NRG3: variants seen among roughly 807,000 people sequenced by gnomAD.
NRG3 encodes pro-neuregulin-3, membrane-bound isoform.
In NRG3, 31 loss-of-function variants were observed where a neutral mutation model predicts 66.9. That is an observed-to-expected ratio of 0.46 (90% CI 0.35 to 0.63). NRG3 has a LOEUF of 0.63. Ranked by LOEUF, NRG3 falls within the 20% of genes least tolerant of loss-of-function variation. The pLI, the probability that NRG3 is intolerant of heterozygous loss-of-function variation, is 0.00. For missense variants in NRG3, 910 were observed against 878.9 expected (o/e 1.04, Z -0.45); for synonymous variants, 393 against 359.4 (o/e 1.09, Z -1.06).
chr10:81,908,204 A>G (rs907098679), intron 1 of NRG3, among the ~76,000 whole-genome samples: 3 of 152,198 alleles, frequency 2.0e-5, no homozygotes. Flanking sequence ...TTAGCAGTAG[A>G]AACATTTTCA....
intron 2 of NRG3, among the ~76,000 whole-genome samples, chr10:82,724,943 G>A (rs2057513624): frequency 1.3e-5 from 2 of 152,178 alleles, no homozygotes; most frequent in South Asian, 4.1e-4. Context: ...AACCCAGGCA[G>A]AGAAGGCTGG....
intron 2 of NRG3, among the ~76,000 whole-genome samples, chr10:82,589,364 C>G (rs1423844324): frequency 6.6e-6 from 1 of 152,114 alleles, no homozygotes; most frequent in Non-Finnish European, 1.5e-5. Context: ...GTGTATCACT[C>G]AATTCAGAAT....
At chr10:82,176,788 A>G (rs1165851750) in intron 1 of NRG3, among the ~76,000 whole-genome samples, 2 of 151,944 alleles carry the variant, frequency 1.3e-5, no homozygotes, top group East Asian at 3.9e-4. Flanking sequence ...TGGCACTGCT[A>G]CTGACCTGGA....
rs368488342 is a variant in NRG3 at position 82,233,360 on chromosome 10, A to G, written c.824-125379A>G. Among the ~76,000 whole-genome samples, 23 of 152,258 alleles carry G rather than the reference A, an allele frequency of 1.5e-4. No individual in the cohort carries two copies. In the East Asian group the frequency reaches 3.7e-3, roughly 24 times the overall value. On this transcript the variant is annotated intron_variant, in intron 1 of 8. Transcript: ENST00000372141. ...AGCCTGGGCGACAGAGCGAGACTCCATCTCAAAAACAAAACAAAACAAAAC... is the reference window on the plus strand; with the variant it reads ...AGCCTGGGCGACAGAGCGAGACTCCGTCTCAAAAACAAAACAAAACAAAAC...
intron 2 of NRG3, among the ~76,000 whole-genome samples, chr10:82,641,254 T>C (rs1175059550): frequency 2.0e-5 from 3 of 152,152 alleles, no homozygotes; most frequent in African/African-American, 7.2e-5. Flanking sequence ...AATAAAGTCT[T>C]TGTGAATATT....
chr10:82,117,295 G>A (rs762680440), intron 1 of NRG3, among the ~76,000 whole-genome samples: 6 of 152,000 alleles, frequency 3.9e-5, no homozygotes, highest in Non-Finnish European at 7.4e-5. Context: ...CACTCATTGA[G>A]CTTAAGGATT....
chr10:82,507,093 A>G (rs1844748678), intron 2 of NRG3, among the ~76,000 whole-genome samples: 1 of 152,220 alleles, frequency 6.6e-6, no homozygotes, highest in Admixed American at 6.5e-5. Flanking sequence ...AGGACAAAGG[A>G]GAATGAAAGA....
intron 1 of NRG3, among the ~76,000 whole-genome samples, chr10:82,214,081 G>T (rs1322016940): frequency 6.6e-6 from 1 of 152,156 alleles, no homozygotes; most frequent in East Asian, 1.9e-4. Flanking sequence ...TTCTGACAAA[G>T]TGTTTTTTTA....
intron 2 of NRG3, among the ~76,000 whole-genome samples, chr10:82,719,799 A>G (rs1335625): frequency 0.46 from 70,071 of 151,814 alleles, 17,161 homozygotes; most frequent in East Asian, 0.64. Context: ...TGTGTAGTCA[A>G]TTGCCTTTAT....
At chr10:82,412,692 A>G (rs1391209542) in intron 2 of NRG3, among the ~76,000 whole-genome samples, 4 of 152,222 alleles carry the variant, frequency 2.6e-5, no homozygotes, top group Admixed American at 2.6e-4. Context: ...TTTTACCTAC[A>G]GCAGAACTGC....
chr10:82,687,388 C>G (rs1235720852), intron 2 of NRG3, among the ~76,000 whole-genome samples: 1 of 152,148 alleles, frequency 6.6e-6, no homozygotes, highest in African/African-American at 2.4e-5. Context: ...TTTGTTTCCT[C>G]AACCATCAGG....
At position 82,444,165 on chromosome 10, in the gene NRG3, C is replaced by A. The variant is rs1332936852; in HGVS notation, c.953+85297C>A. On this transcript the variant is annotated intron_variant, in intron 2 of 8. Coordinates refer to ENST00000372141, the MANE Select transcript of NRG3 (RefSeq NM_001010848.4). ...TCGCCCAGGCTGGAGTGCAGTGGCA[C>A]AATATCAGCTCACTGTAACCTCCGC... Among the ~76,000 whole-genome samples the A allele has an allele frequency of 2.0e-5, 3 of 152,150 alleles. No individual in the cohort carries two copies. The East Asian group carries it at 5.8e-4, about 29-fold the overall frequency.
At chr10:82,604,700 T>C (rs1195876714) in intron 2 of NRG3, among the ~76,000 whole-genome samples, 3 of 152,148 alleles carry the variant, frequency 2.0e-5, no homozygotes, top group African/African-American at 4.8e-5. Context: ...CACAAAACTA[T>C]AGTCAACTGA....
chr10:82,108,383 C>T (rs1034309325), intron 1 of NRG3, among the ~76,000 whole-genome samples: 4 of 152,100 alleles, frequency 2.6e-5, no homozygotes, highest in African/African-American at 4.8e-5. Context: ...CTCCAATGTC[C>T]TAGATTGAAC....
At chr10:82,878,137 T>C (rs1841998164) in intron 4 of NRG3, among the ~76,000 whole-genome samples, 1 of 151,918 alleles carries the variant, frequency 6.6e-6, no homozygotes, top group Non-Finnish European at 1.5e-5. Context: ...AAAGGAAATA[T>C]GAGAGAGAGG....
chr10:82,872,341 G>A (rs1191065541), intron 4 of NRG3, among the ~76,000 whole-genome samples: 1 of 151,970 alleles, frequency 6.6e-6, no homozygotes, highest in African/African-American at 2.4e-5. Context: ...CTTGCTTTGA[G>A]CAATATGACT....
At chr10:82,039,112 G>A (rs1453627201) in intron 1 of NRG3, among the ~76,000 whole-genome samples, 2 of 152,110 alleles carry the variant, frequency 1.3e-5, no homozygotes, top group Non-Finnish European at 2.9e-5. Context: ...AAGAGGATAA[G>A]ATATTATGCA....
rs2084681171 is a variant in NRG3, at chr10:82,368,474, T to C, written c.953+9606T>C. On this transcript the variant is annotated intron_variant, in intron 2 of 8. Transcript: ENST00000372141. ...ACAGGCAGAAATAGGAGGCCACCTT[T>C]TGTTAGGGGAATGCTCCCTTTTGAC... Among the ~76,000 whole-genome samples, 2 of 138,744 alleles carry C rather than the reference T, an allele frequency of 1.4e-5. 1 individual carries two copies. Among genetic ancestry groups the C allele is most frequent in the African/African-American group, 6.7e-5 (2 of 30,040 alleles). 91.0% of individuals were successfully genotyped at this position (138,744 alleles called of 152,430 possible). A position where few individuals can be genotyped will look rare whatever the true frequency, so the allele number is the denominator to read the frequency against.
chr10:82,749,942 C>G (rs2058796687), intron 3 of NRG3, among the ~76,000 whole-genome samples: 1 of 152,202 alleles, frequency 6.6e-6, no homozygotes, highest in South Asian at 2.1e-4. Context: ...TTCTGTGCTT[C>G]TTTCTCATAG....
Sources: gnomAD v4.1 joint callset for allele counts (sites outside exome capture counted in the v4.1 genomes callset) on GRCh38, gnomAD v4.1.1 for gene constraint, MANE v1.5 for transcripts, NCBI Gene and HGNC (gene_info 2026-07-23, HGNC 2026-07-21) for gene names.